Variants in CDK5RAP2 observed in about 807,000 individuals in gnomAD.
The protein encoded by CDK5RAP2 is CDK5 regulatory subunit-associated protein 2.
CDK5RAP2 carries 147 observed loss-of-function variants against 232.9 expected under a neutral mutation model. The ratio of observed to expected loss-of-function variants is 0.63; its 90% confidence interval spans 0.55 to 0.72. CDK5RAP2 has a LOEUF of 0.72. Among genes scored for constraint, CDK5RAP2 ranks in the 30% least tolerant of loss-of-function variants. The pLI, the probability that CDK5RAP2 is intolerant of heterozygous loss-of-function variation, is 0.00. For synonymous variants in CDK5RAP2, 833 were observed against 833.7 expected (o/e 1.00, Z 0.01); for missense variants, 2,195 against 2,231.5 (o/e 0.98, Z 0.33).
chr9:120,501,315 A>G (rs949957426), intron 12 of CDK5RAP2, among the ~76,000 whole-genome samples: 1 of 152,174 alleles, frequency 6.6e-6, no homozygotes, highest in African/African-American at 2.4e-5. Context: ...TTCTCAGACC[A>G]GTCTTCCCTG....
chr9:120,525,898 G>T (rs759423368), intron 10 of CDK5RAP2, among the ~76,000 whole-genome samples: 2 of 152,230 alleles, frequency 1.3e-5, no homozygotes, highest in African/African-American at 4.8e-5. Flanking sequence ...GATAAAAGGC[G>T]TAAGCCACCA....
chr9:120,439,878 G>A lies in CDK5RAP2; in HGVS notation c.3243C>T (p.Tyr1081=). ...DVLSPTSVAT[Y]LSSKSQPSAK... ...CAGAAGGCTGACTCTTGGAACTCAGGTAAGTAGCTACTGAAGTTGGGCTCA... is the reference window on the plus strand; with the variant it reads ...CAGAAGGCTGACTCTTGGAACTCAGATAAGTAGCTACTGAAGTTGGGCTCA... Residue 1081 remains tyrosine, a synonymous_variant, in exon 24 of 38, where the codon TAC becomes TAT. Coordinates refer to ENST00000349780, the MANE Select transcript of CDK5RAP2 (RefSeq NM_018249.6). 1.2e-6 allele frequency: 2 copies of A among 1,614,170 alleles called. No homozygotes were observed. Among genetic ancestry groups the A allele is most frequent in the South Asian group, 1.1e-5 (1 of 91,088 alleles).
At chr9:120,565,617 C>G (rs998800479) in intron 3 of CDK5RAP2, among the ~76,000 whole-genome samples, 1 of 152,194 alleles carries the variant, frequency 6.6e-6, no homozygotes, top group Non-Finnish European at 1.5e-5. Flanking sequence ...GTTCAGGGAA[C>G]TTACAGCTCT....
rs765972168 is a variant in CDK5RAP2 at position 120,518,592 on chromosome 9, C to A, written c.1146G>T (p.Ala382=). 7 of 1,613,608 alleles carry A rather than the reference C, an allele frequency of 4.3e-6. No individual in the cohort carries two copies. The highest frequency in any genetic ancestry group is 1.3e-5 in the African/African-American group (1 of 74,780). The part of the protein sequence containing the change: ...ALSGKEALSA[A]LRSQNLTKST... ...TCTTGGTGAGGTTTTGTGAGCGCAG[C>A]GCAGCCGAAAGGGCTTCCTTTCCTG... is the stretch of plus-strand genomic sequence containing the variant. The change falls in exon 12 of 38, where the codon GCG becomes GCT. Residue 382 remains alanine, a synonymous_variant. Transcript: ENST00000349780.
At chr9:120,502,109 CT>C (rs1438820345) in intron 12 of CDK5RAP2, among the ~76,000 whole-genome samples, 1 of 152,174 alleles carries the variant, frequency 6.6e-6, no homozygotes, top group Admixed American at 6.5e-5. Context: ...TTTTGCATGA[CT>C]CACTAACACA....
intron 26 of CDK5RAP2, among the ~76,000 whole-genome samples, chr9:120,420,174 C>T (rs2034481980): frequency 6.6e-6 from 1 of 152,190 alleles, no homozygotes. Flanking sequence ...CAAGGGGAAG[C>T]AGGGGATTGT....
At chr9:120,461,454 C>A (rs2037082391) in intron 18 of CDK5RAP2, among the ~76,000 whole-genome samples, 1 of 152,168 alleles carries the variant, frequency 6.6e-6, no homozygotes, top group South Asian at 2.1e-4. Context: ...CCTGAATTAA[C>A]CAAATTAAAA....
chr9:120,475,605 C>T (rs2037964876), intron 15 of CDK5RAP2, among the ~76,000 whole-genome samples: 1 of 150,588 alleles, frequency 6.6e-6, no homozygotes, highest in South Asian at 2.1e-4. Context: ...GCCCACCTCC[C>T]CCAACACCAC....
chr9:120,515,411 A>AT (rs1170230657), intron 12 of CDK5RAP2, among the ~76,000 whole-genome samples: 1 of 152,204 alleles, frequency 6.6e-6, no homozygotes, highest in African/African-American at 2.4e-5. Flanking sequence ...TTAACTGTGG[A>AT]TTTTAAATTG....
chr9:120,486,518 C>T (rs960623207), intron 14 of CDK5RAP2, among the ~76,000 whole-genome samples: 1 of 152,040 alleles, frequency 6.6e-6, no homozygotes, highest in African/African-American at 2.4e-5. Flanking sequence ...ATTTACACAG[C>T]CAGGCAACAG....
intron 3 of CDK5RAP2, among the ~76,000 whole-genome samples, chr9:120,557,857 C>T (rs1477066898): frequency 1.3e-5 from 2 of 149,062 alleles, no homozygotes; most frequent in Admixed American, 1.3e-4. Flanking sequence ...CTCCGCCTTC[C>T]GGGTTCAAGC....
At chr9:120,576,224 ATGCAC>A (rs1214191361) in intron 1 of CDK5RAP2, among the ~76,000 whole-genome samples, 1 of 152,248 alleles carries the variant, frequency 6.6e-6, no homozygotes, top group African/African-American at 2.4e-5. Context: ...AAGGTCCCAT[ATGCAC>A]AAGTATGAGG....
At chr9:120,465,591 T>C (rs1436644225) in intron 18 of CDK5RAP2, among the ~76,000 whole-genome samples, 1 of 151,874 alleles carries the variant, frequency 6.6e-6, no homozygotes, top group African/African-American at 2.4e-5. Flanking sequence ...ACATTAAAAG[T>C]TGTTGGGGGG....
At chr9:120,429,598 T>G (rs1301683937) in intron 25 of CDK5RAP2, among the ~76,000 whole-genome samples, 5 of 151,916 alleles carry the variant, frequency 3.3e-5, no homozygotes, top group Non-Finnish European at 2.9e-5. Context: ...CACTGCTCAA[T>G]GAAATAAAAG....
At chr9:120,496,463 A>G (rs1489857814) in intron 12 of CDK5RAP2, among the ~76,000 whole-genome samples, 7 of 108,768 alleles carry the variant, frequency 6.4e-5, no homozygotes, top group South Asian at 7.1e-4. Context: ...CCTACTGGGA[A>G]GTGAGGAGCC....
chr9:120,453,789 A>G lies in CDK5RAP2; in HGVS notation c.2460T>C (p.Asp820=), dbSNP rs763840111. Residue 820 remains aspartate, a synonymous_variant, in exon 21 of 38, where the codon GAT becomes GAC. Transcript: ENST00000349780. ...TEQEVSGEHL[D]GKTEKTPKQK... ...GCTTAGGTGTCTTCTCAGTTTTACC[A>G]TCAAGGTGTTCTCCAGAAACTTCCT... The G allele has an allele frequency of 4.3e-6, 7 of 1,614,220 alleles. No homozygotes were observed. The highest frequency in any genetic ancestry group is 3.3e-5 in the Admixed American group (2 of 60,026).
intron 23 of CDK5RAP2, chr9:120,440,537 T>C (rs1248615468): frequency 6.1e-6 from 1 of 162,882 alleles, no homozygotes; most frequent in African/African-American, 2.4e-5. Flanking sequence ...TGCCAAACTA[T>C]GCAAAAGTCA....
chr9:120,512,991 T>A (rs1403307754), intron 12 of CDK5RAP2, among the ~76,000 whole-genome samples: 1 of 152,176 alleles, frequency 6.6e-6, no homozygotes, highest in African/African-American at 2.4e-5. Context: ...AGACCTGTAT[T>A]TTGGACATTG....
At chr9:120,500,747 G>A (rs1162921220) in intron 12 of CDK5RAP2, among the ~76,000 whole-genome samples, 1 of 152,160 alleles carries the variant, frequency 6.6e-6, no homozygotes, top group Non-Finnish European at 1.5e-5. Flanking sequence ...ACCAGGGCAA[G>A]GTCTAGCTAC....
Sources: allele counts gnomAD v4.1 joint callset (sites outside exome capture counted in the v4.1 genomes callset), GRCh38; gene constraint gnomAD v4.1.1; transcripts MANE v1.5; gene names NCBI Gene and HGNC (gene_info 2026-07-23, HGNC 2026-07-21).